The following MINDY2 variants were observed in gnomAD, a reference collection of about 807,000 sequenced individuals.
MINDY2 encodes the protein ubiquitin carboxyl-terminal hydrolase MINDY-2.
A neutral mutation model predicts 68.2 loss-of-function variants in MINDY2; 52 were observed. The observed-to-expected ratio is 0.76, with a 90% CI of 0.61 to 0.96. The LOEUF is 0.96. Ranked by LOEUF, MINDY2 falls within the 40% of genes least tolerant of loss-of-function variation. The pLI, the probability that MINDY2 is intolerant of heterozygous loss-of-function variation, is 0.00. For missense variants in MINDY2, 881 were observed against 773.4 expected, an observed-to-expected ratio of 1.14 and a Z score of -1.65; for synonymous variants, 372 against 303.0, an observed-to-expected ratio of 1.23 and a Z score of -2.36.
At chr15:58,791,622 A>ATGTGTGTGTGTGTGTGTGTGTGTGTG (rs368688031) in intron 2 of MINDY2, among the ~76,000 whole-genome samples, 3 of 136,666 alleles carry the variant, frequency 2.2e-5, no homozygotes, top group East Asian at 2.1e-4. Context: ...GTCTCAAAAT[A>ATGTGTGTGTGTGTGTGTGTGTGTGTG]TGTGTGTGTG....
chr15:58,807,963 G>A (rs2029926606), intron 3 of MINDY2, among the ~76,000 whole-genome samples: 1 of 151,808 alleles, frequency 6.6e-6, no homozygotes, highest in African/African-American at 2.4e-5. Context: ...TTTTCAAGGA[G>A]GCCTGTCTCC....
chr15:58,784,620 CTTTTT>C (rs777455607), intron 1 of MINDY2, among the ~76,000 whole-genome samples: 1 of 129,862 alleles, frequency 7.7e-6, no homozygotes, highest in African/African-American at 2.9e-5. Context: ...TCTTTCTTTC[CTTTTT>C]TTTTTTTTTT....
intron 3 of MINDY2, among the ~76,000 whole-genome samples, chr15:58,807,584 C>T (rs1057021066): frequency 1.3e-5 from 2 of 151,970 alleles, no homozygotes; most frequent in African/African-American, 2.4e-5. Context: ...AGGATGGTCT[C>T]GATCTCCTGA....
At chr15:58,841,921 T>G (rs1030538891) in intron 6 of MINDY2, among the ~76,000 whole-genome samples, 9 of 152,158 alleles carry the variant, frequency 5.9e-5, no homozygotes, top group African/African-American at 2.2e-4. Context: ...ATTATACATA[T>G]GATCATGACT....
chr15:58,810,316 A>C lies in MINDY2; in HGVS notation c.1050A>C (p.Glu350Asp). The C allele has an allele frequency of 6.2e-7, 1 of 1,613,936 alleles. No homozygotes were observed. Residue 350 changes from glutamate to aspartate, a missense_variant, in exon 4 of 9, where the codon GAA becomes GAC. Glu to Asp is a conservative substitution (Grantham distance 45, BLOSUM62 2). Coordinates refer to ENST00000559228, the MANE Select transcript of MINDY2 (RefSeq NM_001040450.3). The part of the protein sequence containing the change: ...NVRFTGVRVF[E>D]YTPECIVFDL... ...GATTCACTGGTGTTCGAGTGTTTGA[A>C]TATACACCAGAATGCATAGTATTTG...
intron 4 of MINDY2, among the ~76,000 whole-genome samples, chr15:58,811,732 AT>A (rs1387258985): frequency 2.0e-5 from 3 of 152,152 alleles, no homozygotes; most frequent in African/African-American, 7.2e-5. Context: ...AATTCAACTG[AT>A]TATTAGAGAG....
chr15:58,854,626 G>GTTGGAACCACCTA lies in MINDY2; in HGVS notation c.*18_*30dup. Reference sequence around the variant, plus strand: ...TATTTTGTAACAAGTGTTGGCTTCTGTTGGAACCACCTATATGTCTTGAGA... The same window carrying GTTGGAACCACCTA: ...TATTTTGTAACAAGTGTTGGCTTCTGTTGGAACCACCTATTGGAACCACCTATATGTCTTGAGA... On this transcript the variant is annotated 3_prime_UTR_variant, in exon 9 of 9. Coordinates refer to ENST00000559228, the MANE Select transcript of MINDY2 (RefSeq NM_001040450.3). The GTTGGAACCACCTA allele has an allele frequency of 6.3e-7, 1 of 1,599,604 alleles. No homozygotes were observed. Among genetic ancestry groups the GTTGGAACCACCTA allele is most frequent in the Non-Finnish European group, 8.5e-7 (1 of 1,178,072 alleles).
chr15:58,779,092 C>T (rs1900968601), intron 1 of MINDY2, among the ~76,000 whole-genome samples: 1 of 150,452 alleles, frequency 6.6e-6, no homozygotes, highest in Admixed American at 6.6e-5. Flanking sequence ...AGAGATGTGT[C>T]TCACCATGTT....
intron 1 of MINDY2, 75 bp downstream of exon 1, chr15:58,772,310 A>G (rs1466625639): frequency 1.7e-5 from 27 of 1,575,538 alleles, no homozygotes; most frequent in Non-Finnish European, 2.2e-5. Flanking sequence ...GCTGCATGTC[A>G]GGTGATGGCT....
chr15:58,810,157 C>A, intron 3 of MINDY2, 73 bp from the exon 4 acceptor site: 2 of 1,297,308 alleles, frequency 1.5e-6, no homozygotes, highest in Non-Finnish European at 2.1e-6. Context: ...AGTAAATGTG[C>A]TTGTACTTGA....
chr15:58,788,645 A>T (rs572673390), intron 2 of MINDY2, among the ~76,000 whole-genome samples: 3 of 152,368 alleles, frequency 2.0e-5, no homozygotes, highest in Non-Finnish European at 4.4e-5. Flanking sequence ...CTGACAAATA[A>T]GAATTTATAT....
chr15:58,782,597 C>G (rs1281251325), intron 1 of MINDY2, among the ~76,000 whole-genome samples: 1 of 152,090 alleles, frequency 6.6e-6, no homozygotes, highest in Admixed American at 6.6e-5. Flanking sequence ...TCACTTTTCA[C>G]TGGTCACAAA....
At chr15:58,804,812 A>C (rs988063688) in intron 3 of MINDY2, among the ~76,000 whole-genome samples, 1 of 152,052 alleles carries the variant, frequency 6.6e-6, no homozygotes, top group Non-Finnish European at 1.5e-5. Context: ...TTACAAAAAA[A>C]AAAAAGAAAA....
Position 58,795,845 on chromosome 15 carries a change from C to G in MINDY2, c.899-6468C>G, listed in dbSNP as rs79512009. On this transcript the variant is annotated intron_variant, in intron 2 of 8. Transcript: ENST00000559228. ...GCCCCTTTTAAGTGCAACATTACCT[C>G]TGCTAAAATGCATGAAGTAGAGGAC... 5.1e-3 allele frequency among the ~76,000 whole-genome samples: 779 copies of G among 152,060 alleles called. 16 individuals carry two copies. Among genetic ancestry groups the G allele is most frequent in the East Asian group, 0.035 (183 of 5,178 alleles).
chr15:58,852,922 G>GTTTTTGTTTTTTT (rs2032893601), intron 8 of MINDY2, among the ~76,000 whole-genome samples: 1 of 48,930 alleles, frequency 2.0e-5, no homozygotes, highest in Non-Finnish European at 4.0e-5. Flanking sequence ...TGCTGTTCCT[G>GTTTTTGTTTTTTT]TTTTTTTTTT....
At chr15:58,843,493 A>G (rs1458799498) in intron 6 of MINDY2, among the ~76,000 whole-genome samples, 2 of 152,292 alleles carry the variant, frequency 1.3e-5, no homozygotes, top group East Asian at 3.9e-4. Context: ...TTAACCAAAA[A>G]TATTTAGCCA....
chr15:58,840,861 G>C (rs764712063), intron 6 of MINDY2, among the ~76,000 whole-genome samples: 1 of 145,812 alleles, frequency 6.9e-6, no homozygotes, highest in Non-Finnish European at 1.5e-5. Context: ...GTAGAGATGG[G>C]TTTTCACCGT....
intron 1 of MINDY2, among the ~76,000 whole-genome samples, chr15:58,776,102 C>A (rs962681771): frequency 6.6e-6 from 1 of 152,034 alleles, no homozygotes; most frequent in Admixed American, 6.6e-5. Flanking sequence ...TCAGGTGATC[C>A]ACCTGCAAGA....
At chr15:58,818,948 CT>C (rs1567060195) in intron 4 of MINDY2, among the ~76,000 whole-genome samples, 1 of 151,730 alleles carries the variant, frequency 6.6e-6, no homozygotes, top group Non-Finnish European at 1.5e-5. Context: ...GCCTATTGAT[CT>C]TGTGTTTATT....
Sources: allele counts gnomAD v4.1 joint callset (sites outside exome capture counted in the v4.1 genomes callset), GRCh38; gene constraint gnomAD v4.1.1; transcripts MANE v1.5; gene names NCBI Gene and HGNC (gene_info 2026-07-23, HGNC 2026-07-21).